HELLS: variants seen among roughly 807,000 people sequenced by gnomAD.
HELLS encodes the protein lymphoid-specific helicase.
A neutral mutation model predicts 120.0 loss-of-function variants in HELLS; 32 were observed. The observed-to-expected ratio is 0.27, with a 90% confidence interval of 0.20 to 0.36. HELLS has a LOEUF of 0.36. HELLS is among the 10% of genes least tolerant of loss of function. The probability of loss-of-function intolerance (pLI) is 1.00; values close to 1 mark genes in which losing one functional copy is unlikely to be tolerated. For missense variants in HELLS, 650 were observed against 993.4 expected, an observed-to-expected ratio of 0.65 and a Z score of 4.65; for synonymous variants, 341 against 323.4, an observed-to-expected ratio of 1.05 and a Z score of -0.58.
At chr10:94,552,316 T>G (rs925657460) in intron 2 of HELLS, among the ~76,000 whole-genome samples, 3 of 152,208 alleles carry the variant, frequency 2.0e-5, no homozygotes, top group Non-Finnish European at 4.4e-5. Flanking sequence ...AAAGTTAACT[T>G]AAGTGTGATT....
chr10:94,592,333 T>G (rs1045595246), intron 16 of HELLS, 21 bp downstream of exon 16: 1 of 1,591,520 alleles, frequency 6.3e-7, no homozygotes, highest in African/African-American at 1.4e-5. Flanking sequence ...TGATTGGAAT[T>G]TTGGATTGTT....
In HELLS at chr10:94,609,011, C is replaced by CTT. The variant is rs71031590; in HGVS notation, c.*2-814_*2-813dup. 9.4e-3 allele frequency among the ~76,000 whole-genome samples: 644 copies of CTT among 68,240 alleles called. 122 individuals are homozygous for CTT. The highest frequency in any genetic ancestry group is 0.018 in the East Asian group (31 of 1,762). 44.8% of individuals were successfully genotyped at this position (68,240 alleles called of 152,430 possible). On this transcript the variant is annotated intron_variant, in intron 9 of 9. Coordinates refer to the HELLS transcript ENST00000371327. The stretch of plus-strand genomic sequence containing the variant: ...TTACACTTTTTGTCTGTATCCACCT[C>CTT]TTTTTTTTTTTTTTTTTTTTTTTTT...
chr10:94,612,755 G>A (rs1336816377), exon 10 of HELLS: 5 of 152,194 alleles, frequency 3.3e-5, no homozygotes, highest in East Asian at 1.9e-4. Context: ...GTGAAACCCC[G>A]TCTCCACTAA....
chr10:94,600,363 T>A, intron 21 of HELLS, among the ~76,000 whole-genome samples: 1 of 148,878 alleles, frequency 6.7e-6, no homozygotes, highest in African/African-American at 2.5e-5. Context: ...TATGAGAGAG[T>A]AATAAAGGGC....
chr10:94,549,362 A>G (rs1842878492), intron 2 of HELLS, among the ~76,000 whole-genome samples: 1 of 152,206 alleles, frequency 6.6e-6, no homozygotes, highest in Admixed American at 6.5e-5. Context: ...TGGCTTTAGG[A>G]AATCCTAAGG....
chr10:94,577,179 T>C (rs1340887899), intron 10 of HELLS: 4 of 344,316 alleles, frequency 1.2e-5, no homozygotes, highest in Non-Finnish European at 2.2e-5. Context: ...GAGTATCTTA[T>C]TGGACTATTT....
At chr10:94,585,423 CAG>C (rs1291008555) in intron 12 of HELLS, among the ~76,000 whole-genome samples, 2 of 123,406 alleles carry the variant, frequency 1.6e-5, no homozygotes, top group African/African-American at 3.1e-5. Context: ...TTTTTTGAGA[CAG>C]AGTCTCACTC....
chr10:94,610,290 C>T (rs1846176739), exon 10 of HELLS: 1 of 152,002 alleles, frequency 6.6e-6, no homozygotes, highest in Non-Finnish European at 1.5e-5. Context: ...AATACTGTTT[C>T]CTAGAATTAA....
intron 3 of HELLS, among the ~76,000 whole-genome samples, chr10:94,556,621 A>G (rs1054136580): frequency 6.6e-6 from 1 of 152,018 alleles, no homozygotes; most frequent in Non-Finnish European, 1.5e-5. Context: ...TCCCTACCCC[A>G]TGTTCTATCC....
chr10:94,565,900 ATT>A (rs34468351), intron 6 of HELLS, among the ~76,000 whole-genome samples: 1 of 148,148 alleles, frequency 6.8e-6, no homozygotes, highest in African/African-American at 2.5e-5. Context: ...ATGAAATTGA[ATT>A]TTTTTTTTTT....
intron 10 of HELLS, chr10:94,577,140 T>C (rs548665548): frequency 2.8e-5 from 12 of 428,218 alleles, no homozygotes; most frequent in African/African-American, 2.5e-4. Context: ...TTTAATCAAA[T>C]AAGAGTATTT....
rs754474687 is a variant in HELLS at position 94,594,879 on chromosome 10, T to A, written c.2248+25T>A. ...AGTAAATAACACTTATGTAGTGCTT[T>A]ATTGTTTAAATTGTGCATTGTGTGT... On this transcript the variant is annotated intron_variant, in intron 19 of 21. Transcript: ENST00000348459. 11 of 1,544,064 alleles carry A rather than the reference T, an allele frequency of 7.1e-6. No individual in the cohort carries two copies. The South Asian group carries it at 1.1e-4, about 16-fold the overall frequency.
At chr10:94,572,955 T>G (rs553831708) in intron 7 of HELLS, among the ~76,000 whole-genome samples, 1 of 152,326 alleles carries the variant, frequency 6.6e-6, no homozygotes, top group Non-Finnish European at 1.5e-5. Flanking sequence ...TAACTATGTT[T>G]TCTTTCTTTT....
chr10:94,566,503 G>T (rs758521691), intron 6 of HELLS, among the ~76,000 whole-genome samples: 13 of 152,148 alleles, frequency 8.5e-5, no homozygotes, highest in Non-Finnish European at 1.8e-4. Context: ...TGAAGCTGTC[G>T]ATGTAAGCAT....
chr10:94,592,625 C>A, intron 17 of HELLS, 111 bp downstream of exon 17: 1 of 717,038 alleles, frequency 1.4e-6, no homozygotes, highest in Non-Finnish European at 2.0e-6. Flanking sequence ...TAGAAATGAC[C>A]AGAAACCCTG....
At chr10:94,580,117 G>GTATATATATATATATATATATATA (rs58984411) in intron 10 of HELLS, among the ~76,000 whole-genome samples, 1 of 65,490 alleles carries the variant, frequency 1.5e-5, no homozygotes, top group Non-Finnish European at 2.7e-5. Flanking sequence ...CATTATAAAA[G>GTATATATATATATATATATATATA]TATATATATA....
chr10:94,596,113 G>A lies in HELLS; in HGVS notation c.2249-747G>A, dbSNP rs191491454. Among the ~76,000 whole-genome samples the A allele has an allele frequency of 1.5e-3, 234 of 152,204 alleles. 1 individual carries two copies. Among genetic ancestry groups the A allele is most frequent in the Non-Finnish European group, 2.7e-3 (186 of 68,012 alleles). ...TGGGCTTATAGGTGTGAGCCACTGT[G>A]CTCAGCCCTATTTTCGATTTTTTAG... On this transcript the variant is annotated intron_variant, in intron 19 of 21. Transcript: ENST00000348459.
intron 19 of HELLS, among the ~76,000 whole-genome samples, 171 bp from the exon 20 acceptor site, chr10:94,596,689 T>C (rs1257190947): frequency 6.6e-6 from 1 of 152,210 alleles, no homozygotes; most frequent in Non-Finnish European, 1.5e-5. Context: ...AAAGTGGACA[T>C]ATCATTTTCC....
chr10:94,609,328 C>G (rs1404944692), intron 9 of HELLS, among the ~76,000 whole-genome samples: 1 of 152,096 alleles, frequency 6.6e-6, no homozygotes, highest in African/African-American at 2.4e-5. Context: ...CAGTATATAT[C>G]CACCACTTTA....
Sources: gnomAD v4.1 joint callset for allele counts (sites outside exome capture counted in the v4.1 genomes callset) on GRCh38, gnomAD v4.1.1 for gene constraint, MANE v1.5 for transcripts, NCBI Gene and HGNC (gene_info 2026-07-23, HGNC 2026-07-21) for gene names.